The following RYR2 variants were observed in gnomAD, a reference collection of about 807,000 sequenced individuals.
The protein encoded by RYR2 is cardiac muscle ryanodine receptor-calcium release channel.
A neutral mutation model predicts 601.1 loss-of-function variants in RYR2; 227 were observed. The ratio of observed to expected loss-of-function variants is 0.38; its 90% CI spans 0.34 to 0.42. The LOEUF (loss-of-function observed/expected upper bound fraction) is 0.42, where lower values mean the gene tolerates loss of function less well. Among genes scored for constraint, RYR2 ranks in the 10% least tolerant of loss-of-function variants. The pLI is 1.00. For missense variants in RYR2, 4,646 were observed against 6,156.5 expected (o/e 0.75, Z 8.21); for synonymous variants, 2,223 against 2,175.1 (o/e 1.02, Z -0.61).
At chr1:237,480,139 C>T (rs955809694) in intron 17 of RYR2, among the ~76,000 whole-genome samples, 4 of 152,064 alleles carry the variant, frequency 2.6e-5, no homozygotes, top group Non-Finnish European at 4.4e-5. Flanking sequence ...GCATATCTGG[C>T]GGGGCATGGT....
intron 1 of RYR2, among the ~76,000 whole-genome samples, chr1:237,210,122 T>C (rs200455144): frequency 2.1e-5 from 3 of 142,950 alleles, no homozygotes; most frequent in African/African-American, 5.0e-5. Flanking sequence ...TATTGTTCTT[T>C]TATTTTTAAA....
chr1:237,679,298 T>G (rs891552975), intron 61 of RYR2, among the ~76,000 whole-genome samples: 4 of 152,212 alleles, frequency 2.6e-5, no homozygotes, highest in African/African-American at 9.7e-5. Flanking sequence ...TAATGTGGCT[T>G]AATTTCTACT....
chr1:237,151,103 C>T (rs1273561043), intron 1 of RYR2, among the ~76,000 whole-genome samples: 1 of 152,040 alleles, frequency 6.6e-6, no homozygotes, highest in African/African-American at 2.4e-5. Flanking sequence ...AATCATGGTG[C>T]TGTTAGGAAA....
intron 3 of RYR2, among the ~76,000 whole-genome samples, chr1:237,345,766 A>T: frequency 6.6e-6 from 1 of 152,084 alleles, no homozygotes. Context: ...ATCTATTATT[A>T]TGTCTAATAC....
intron 1 of RYR2, among the ~76,000 whole-genome samples, chr1:237,221,639 T>C (rs562824451): frequency 6.6e-6 from 1 of 152,368 alleles, no homozygotes; most frequent in Admixed American, 6.5e-5. Flanking sequence ...TGTTTCACCA[T>C]TTCCTTTATT....
At chr1:237,349,539 A>C (rs2149661078) in intron 3 of RYR2, among the ~76,000 whole-genome samples, 1 of 152,300 alleles carries the variant, frequency 6.6e-6, no homozygotes, top group East Asian at 1.9e-4. Flanking sequence ...AACTATACAA[A>C]ATAATCGTAT....
chr1:237,467,929 G>A (rs745889266), intron 16 of RYR2, among the ~76,000 whole-genome samples: 2 of 149,914 alleles, frequency 1.3e-5, no homozygotes, highest in African/African-American at 4.9e-5. Flanking sequence ...CACGATCTTG[G>A]CTCACTGCAA....
chr1:237,648,946 A>C (rs2148791792), intron 49 of RYR2, among the ~76,000 whole-genome samples: 1 of 152,342 alleles, frequency 6.6e-6, no homozygotes, highest in Middle Eastern at 3.4e-3. Flanking sequence ...GTTCAGTATC[A>C]ACTTCCAAAT....
chr1:237,162,871 A>G (rs1373406787), intron 1 of RYR2, among the ~76,000 whole-genome samples: 1 of 152,166 alleles, frequency 6.6e-6, no homozygotes, highest in Non-Finnish European at 1.5e-5. Flanking sequence ...AACGTTCTGC[A>G]GGAGTCTAAT....
At chr1:237,076,858 T>A (rs1185129781) in intron 1 of RYR2, among the ~76,000 whole-genome samples, 1 of 21,462 alleles carries the variant, frequency 4.7e-5, no homozygotes, top group Non-Finnish European at 9.4e-5. Context: ...GGAAAAAATG[T>A]TAAGGGCAGC....
At chr1:237,598,134 A>G (rs1379000595) in intron 34 of RYR2, among the ~76,000 whole-genome samples, 7 of 152,248 alleles carry the variant, frequency 4.6e-5, no homozygotes, top group Admixed American at 3.9e-4. Context: ...GTGAATTTAT[A>G]TGCATTCAAC....
rs1054599430 is a variant in RYR2, at chr1:237,733,760, A to G, written c.11091+4A>G. On this transcript the variant is annotated splice_donor_region_variant and intron_variant, in intron 79 of 104. Coordinates refer to ENST00000366574, the MANE Select transcript of RYR2 (RefSeq NM_001035.3). ...CTATGCAGATATTATGGCAAAGGTA[A>G]ATAAGTATCCTTCCTGATTTTCATG... 4 of 1,577,722 alleles carry G rather than the reference A, an allele frequency of 2.5e-6. No individual in the cohort carries two copies. Among genetic ancestry groups the G allele is most frequent in the East Asian group, 2.2e-5 (1 of 44,712 alleles).
Position 237,792,216 on chromosome 1 carries a change from T to A in RYR2, c.13675T>A (p.Tyr4559Asn). Residue 4559 changes from tyrosine (Y) to asparagine (N), a missense_variant, in exon 94 of 105, where the codon TAT becomes AAT. Around this residue, in one of 17 missense-constraint regions of RYR2, gnomAD observed 364 missense variants for 442.9 expected, o/e 0.82. Coordinates refer to ENST00000366574, the MANE Select transcript of RYR2 (RefSeq NM_001035.3). The stretch of plus-strand genomic sequence containing the variant: ...CTCCCATAGAATCATCGCAGTTCAC[T>A]ATGTACTAGAGGAGAGCAGCGGCTA... ...SSSHRIIAVH[Y>N]VLEESSGYME... 1 of 1,613,826 alleles carries A rather than the reference T, an allele frequency of 6.2e-7. No homozygotes were observed. The highest frequency in any genetic ancestry group is 8.5e-7 in the Non-Finnish European group (1 of 1,179,828).
Position 237,206,097 on chromosome 1 carries a change from G to A in RYR2, c.49-64400G>A, listed in dbSNP as rs186558234. ...AATATGACTTCAAGAGGCAGAAGCC[G>A]GCTCACTGGGAGGCCAAGTTCCAGC... On this transcript the variant is annotated intron_variant, in intron 1 of 104. Transcript: ENST00000366574. Among the ~76,000 whole-genome samples the A allele has an allele frequency of 2.0e-5, 3 of 152,310 alleles. No individual in the cohort carries two copies. In the East Asian group the frequency reaches 5.8e-4, roughly 29 times the overall value.
chr1:237,562,562 A>G (rs1671564385), intron 27 of RYR2, among the ~76,000 whole-genome samples: 1 of 152,104 alleles, frequency 6.6e-6, no homozygotes, highest in South Asian at 2.1e-4. Flanking sequence ...CCTTGGCCTT[A>G]ATCTTGAGGT....
intron 15 of RYR2, among the ~76,000 whole-genome samples, chr1:237,456,308 C>T (rs918269479): frequency 1.3e-5 from 2 of 152,140 alleles, no homozygotes; most frequent in Admixed American, 1.3e-4. Flanking sequence ...CTTATGGTCA[C>T]TTAACAATAG....
At chr1:237,206,319 A>G (rs1472705892) in intron 1 of RYR2, among the ~76,000 whole-genome samples, 1 of 152,202 alleles carries the variant, frequency 6.6e-6, no homozygotes, top group Non-Finnish European at 1.5e-5. Flanking sequence ...TCGGCCGAAC[A>G]TGAGCCTGAG....
At chr1:237,363,936 A>G (rs1571989075) in intron 4 of RYR2, among the ~76,000 whole-genome samples, 1 of 152,122 alleles carries the variant, frequency 6.6e-6, no homozygotes, top group African/African-American at 2.4e-5. Context: ...GTTTTAATCT[A>G]CTGTTTTTAT....
chr1:237,474,060 A>G, intron 17 of RYR2, among the ~76,000 whole-genome samples: 1 of 151,882 alleles, frequency 6.6e-6, no homozygotes, highest in Admixed American at 6.6e-5. Context: ...ACAAACGGCA[A>G]AGCTGGAGTA....
Sources: allele counts gnomAD v4.1 joint callset (sites outside exome capture counted in the v4.1 genomes callset), GRCh38; gene constraint gnomAD v4.1.1; regional missense constraint gnomAD v4.1.1; transcripts MANE v1.5; gene names NCBI Gene and HGNC (gene_info 2026-07-23, HGNC 2026-07-21).